CCDC141: variants seen among roughly 807,000 people sequenced by gnomAD.
The protein encoded by CCDC141 is coiled-coil domain containing 141.
A neutral mutation model predicts 181.0 loss-of-function variants in CCDC141; 168 were observed. The observed-to-expected ratio is 0.93, with a 90% CI of 0.82 to 1.05. The LOEUF (loss-of-function observed/expected upper bound fraction) is 1.05. Ranked by LOEUF, CCDC141 falls within the 50% of genes least tolerant of loss-of-function variation. The probability of loss-of-function intolerance (pLI) is 0.00; values close to 1 mark genes in which losing one functional copy is unlikely to be tolerated. For missense variants in CCDC141, 1,902 were observed against 1,788.5 expected, an observed-to-expected ratio of 1.06 and a Z score of -1.14; for synonymous variants, 666 against 642.3, an observed-to-expected ratio of 1.04 and a Z score of -0.56.
rs954121183 is a variant in CCDC141 at position 178,831,800 on chromosome 2, C to G, written c.*2373G>C. The G allele has an allele frequency of 1.3e-5, 2 of 152,166 alleles. No individual in the cohort carries two copies. The highest frequency in any genetic ancestry group is 2.9e-5 in the Non-Finnish European group (2 of 68,032). The allele number at this position is 152,166 out of a possible 1,614,324, so 9.4% of individuals were successfully genotyped here. A position where few individuals can be genotyped will look rare whatever the true frequency, so the allele number is the denominator to read the frequency against. ...GGTAGATGGATAGGTACACAGAAAG[C>G]TATCTGTACTATATCTTGAATATCA... On this transcript the variant is annotated 3_prime_UTR_variant, in exon 24 of 24. Coordinates refer to ENST00000443758, the MANE Select transcript of CCDC141 (RefSeq NM_173648.4).
At chr2:178,991,468 G>C (rs998201478) in intron 2 of CCDC141, among the ~76,000 whole-genome samples, 5 of 151,980 alleles carry the variant, frequency 3.3e-5, no homozygotes, top group African/African-American at 1.2e-4. Context: ...AGAACAAAAT[G>C]TTACACAAAA....
At chr2:178,826,891 T>A (rs1684133731), downstream of CCDC141, among the ~76,000 whole-genome samples, 2 of 152,068 alleles carry the variant, frequency 1.3e-5, no homozygotes, top group South Asian at 4.1e-4. Context: ...AGTTTTCTTT[T>A]ATTCTGCTTG....
At chr2:178,931,470 C>A (rs1017792600) in intron 6 of CCDC141, among the ~76,000 whole-genome samples, 2 of 152,156 alleles carry the variant, frequency 1.3e-5, no homozygotes, top group South Asian at 2.1e-4. Flanking sequence ...TATATCCATA[C>A]AATGGAATAT....
At chr2:178,925,116 C>T (rs994348122) in intron 6 of CCDC141, among the ~76,000 whole-genome samples, 14 of 152,156 alleles carry the variant, frequency 9.2e-5, no homozygotes, top group Non-Finnish European at 1.9e-4. Flanking sequence ...CTGTTTGATC[C>T]AGAAATCAAC....
chr2:178,894,869 C>A (rs992701354), intron 8 of CCDC141, among the ~76,000 whole-genome samples: 1 of 152,140 alleles, frequency 6.6e-6, no homozygotes, highest in African/African-American at 2.4e-5. Context: ...GAAATTTTCT[C>A]ATAATTTGCG....
In CCDC141 at chr2:178,908,443, C is replaced by T. The variant is rs149046915; in HGVS notation, c.1093-2942G>A. Among the ~76,000 whole-genome samples the T allele has an allele frequency of 1.1e-3, 170 of 152,300 alleles. 1 individual carries two copies. In the East Asian group the frequency reaches 0.028, roughly 25 times the overall value. On this transcript the variant is annotated intron_variant, in intron 7 of 23. Coordinates refer to ENST00000443758, the MANE Select transcript of CCDC141 (RefSeq NM_173648.4). ...TCCTGACCTTGTGATCTGCCTGCGT[C>T]GGCCTCCCAAAGTGCTGGGATTACA...
chr2:179,001,382 CA>C (rs1260700216), intron 2 of CCDC141, among the ~76,000 whole-genome samples: 6 of 152,242 alleles, frequency 3.9e-5, no homozygotes, highest in African/African-American at 1.2e-4. Context: ...TGTGCAGCTG[CA>C]GTGTCAGCAA....
intron 6 of CCDC141, among the ~76,000 whole-genome samples, chr2:178,942,613 A>C (rs1450640854): frequency 6.6e-6 from 1 of 152,164 alleles, no homozygotes; most frequent in Non-Finnish European, 1.5e-5. Context: ...GTCCAAACCC[A>C]TAGAATGTAC....
chr2:178,847,824 G>A (rs1561631529), intron 21 of CCDC141, among the ~76,000 whole-genome samples: 3 of 152,170 alleles, frequency 2.0e-5, no homozygotes, highest in Non-Finnish European at 4.4e-5. Flanking sequence ...TCATGAGGGT[G>A]AAGCCCTCAT....
chr2:178,983,455 G>A (rs1487340912), intron 2 of CCDC141, among the ~76,000 whole-genome samples: 1 of 152,158 alleles, frequency 6.6e-6, no homozygotes, highest in Non-Finnish European at 1.5e-5. Context: ...ATGGAACAAA[G>A]CTGGATGGAG....
At chr2:178,947,643 T>A (rs1689787285) in intron 5 of CCDC141, among the ~76,000 whole-genome samples, 1 of 151,346 alleles carries the variant, frequency 6.6e-6, no homozygotes, top group African/African-American at 2.4e-5. Context: ...TATCACAGAG[T>A]GAAAAGAGAT....
At chr2:178,906,416 T>G (rs1417347915) in intron 7 of CCDC141, among the ~76,000 whole-genome samples, 2 of 152,210 alleles carry the variant, frequency 1.3e-5, no homozygotes, top group African/African-American at 4.8e-5. Flanking sequence ...TTTGTAGGTC[T>G]CCTGATATCT....
At chr2:178,893,660 G>C (rs1687260000) in intron 8 of CCDC141, among the ~76,000 whole-genome samples, 1 of 152,064 alleles carries the variant, frequency 6.6e-6, no homozygotes, top group Non-Finnish European at 1.5e-5. Flanking sequence ...AACAACTGCT[G>C]CTCTCTAGTT....
intron 6 of CCDC141, among the ~76,000 whole-genome samples, chr2:178,921,152 G>A (rs148660109): frequency 8.5e-5 from 13 of 152,236 alleles, no homozygotes; most frequent in Non-Finnish European, 1.6e-4. Context: ...CATGGATATG[G>A]GCTACGTGAG....
intron 2 of CCDC141, among the ~76,000 whole-genome samples, chr2:179,022,558 T>G (rs1478313090): frequency 2.0e-5 from 3 of 152,160 alleles, no homozygotes; most frequent in Non-Finnish European, 4.4e-5. Flanking sequence ...ACCTTCCCCA[T>G]GAAACCACTC....
intron 6 of CCDC141, among the ~76,000 whole-genome samples, chr2:178,923,064 C>A (rs931177946): frequency 3.3e-5 from 5 of 151,708 alleles, no homozygotes; most frequent in Non-Finnish European, 7.4e-5. Context: ...ATTTCCCCAG[C>A]CATTTTTCAT....
At chr2:179,015,080 A>AT (rs1559048461) in intron 2 of CCDC141, among the ~76,000 whole-genome samples, 1 of 37,308 alleles carries the variant, frequency 2.7e-5, no homozygotes, top group African/African-American at 8.4e-5. Flanking sequence ...ATATATATAT[A>AT]TATATATATA....
At chr2:178,980,782 GTTAA>G (rs1425607784) in intron 2 of CCDC141, among the ~76,000 whole-genome samples, 1 of 152,098 alleles carries the variant, frequency 6.6e-6, no homozygotes, top group African/African-American at 2.4e-5. Flanking sequence ...TTTAACATGT[GTTAA>G]TTATTTTGCA....
At chr2:179,003,677 A>G (rs1328717297) in intron 2 of CCDC141, among the ~76,000 whole-genome samples, 1 of 152,170 alleles carries the variant, frequency 6.6e-6, no homozygotes, top group Non-Finnish European at 1.5e-5. Flanking sequence ...TGGACACCAT[A>G]CCCACAAGAG....
Sources: gnomAD v4.1 joint callset for allele counts (sites outside exome capture counted in the v4.1 genomes callset) on GRCh38, gnomAD v4.1.1 for gene constraint, MANE v1.5 for transcripts, NCBI Gene and HGNC (gene_info 2026-07-23, HGNC 2026-07-21) for gene names.